Variants in AGBL4 observed in about 807,000 individuals in gnomAD.
AGBL4 encodes AGBL carboxypeptidase 4, also known as cytosolic carboxypeptidase 6.
A neutral mutation model predicts 66.4 loss-of-function variants in AGBL4; 58 were observed. The observed-to-expected ratio is 0.87, with a 90% CI of 0.71 to 1.09. The LOEUF (loss-of-function observed/expected upper bound fraction) is 1.09. AGBL4 is among the 50% of genes least tolerant of loss of function. AGBL4 has a pLI of 0.00. For missense variants in AGBL4, 579 were observed against 631.0 expected, an observed-to-expected ratio of 0.92 and a Z score of 0.88; for synonymous variants, 234 against 222.9, an observed-to-expected ratio of 1.05 and a Z score of -0.44.
intron 3 of AGBL4, among the ~76,000 whole-genome samples, chr1:49,628,269 G>C (rs1645502644): frequency 6.6e-6 from 1 of 151,972 alleles, no homozygotes; most frequent in African/African-American, 2.4e-5. Context: ...CAATAACATA[G>C]AGTCTTCCAA....
At chr1:49,812,678 C>G (rs921881411) in intron 2 of AGBL4, among the ~76,000 whole-genome samples, 1 of 152,100 alleles carries the variant, frequency 6.6e-6, no homozygotes, top group African/African-American at 2.4e-5. Flanking sequence ...TGTGCAAAAC[C>G]CTGTCACAAG....
chr1:49,521,356 A>G (rs1650249882), intron 3 of AGBL4, among the ~76,000 whole-genome samples: 1 of 152,160 alleles, frequency 6.6e-6, no homozygotes, highest in Admixed American at 6.5e-5. Flanking sequence ...CAGGACTTCA[A>G]ACTAAACTAT....
chr1:48,572,642 A>G (rs1644585281), intron 11 of AGBL4, among the ~76,000 whole-genome samples: 1 of 152,114 alleles, frequency 6.6e-6, no homozygotes, highest in South Asian at 2.1e-4. Flanking sequence ...GAGATGACCT[A>G]TCAGGGAAGA....
At chr1:49,558,014 C>T (rs1643944583) in intron 3 of AGBL4, among the ~76,000 whole-genome samples, 1 of 151,858 alleles carries the variant, frequency 6.6e-6, no homozygotes, top group South Asian at 2.1e-4. Context: ...AGGACATTTC[C>T]AGACAGACCC....
At chr1:49,344,029 A>G (rs1423328322) in intron 3 of AGBL4, among the ~76,000 whole-genome samples, 1 of 152,142 alleles carries the variant, frequency 6.6e-6, no homozygotes, top group African/African-American at 2.4e-5. Flanking sequence ...CAATTTACCT[A>G]ATTTAGAGCC....
intron 3 of AGBL4, among the ~76,000 whole-genome samples, chr1:49,534,171 CAAA>C (rs71059553): frequency 1.3e-4 from 9 of 67,046 alleles, no homozygotes; most frequent in South Asian, 7.9e-4. Flanking sequence ...CACCATTTTA[CAAA>C]AAAAAAAAAA....
At chr1:49,560,503 G>C (rs750964070) in intron 3 of AGBL4, among the ~76,000 whole-genome samples, 1 of 152,072 alleles carries the variant, frequency 6.6e-6, no homozygotes, top group Non-Finnish European at 1.5e-5. Context: ...AAATCTAAAA[G>C]TTATTGGCCT....
intron 3 of AGBL4, among the ~76,000 whole-genome samples, chr1:49,307,423 G>A (rs1644866885): frequency 1.3e-5 from 2 of 152,172 alleles, no homozygotes; most frequent in Admixed American, 1.3e-4. Flanking sequence ...TTACCATTCA[G>A]AGGTTGTTTA....
chr1:48,647,642 A>G (rs1177082963), intron 8 of AGBL4: 2 of 449,310 alleles, frequency 4.5e-6, no homozygotes, highest in African/African-American at 2.0e-5. Flanking sequence ...AGGGTTTCAT[A>G]TTGTTGTACG....
intron 3 of AGBL4, among the ~76,000 whole-genome samples, chr1:49,376,660 G>A (rs992949434): frequency 2.0e-5 from 3 of 152,012 alleles, no homozygotes; most frequent in African/African-American, 7.2e-5. Context: ...TATGATATAT[G>A]TCTTCTGTTG....
intron 4 of AGBL4, chr1:49,174,754 A>G (rs2148172107): frequency 6.6e-6 from 1 of 152,228 alleles, no homozygotes; most frequent in Non-Finnish European, 1.5e-5. Flanking sequence ...TTTCTTTATC[A>G]GCAATAAAGA....
At chr1:49,136,999 C>T (rs1003573367) in intron 4 of AGBL4, among the ~76,000 whole-genome samples, 9 of 152,068 alleles carry the variant, frequency 5.9e-5, no homozygotes, top group African/African-American at 1.9e-4. Context: ...CCCATTAGTT[C>T]GTAACATAAG....
chr1:49,766,146 T>C (rs1652715809), intron 2 of AGBL4, among the ~76,000 whole-genome samples: 1 of 152,088 alleles, frequency 6.6e-6, no homozygotes, highest in Non-Finnish European at 1.5e-5. Flanking sequence ...AGACTGACTG[T>C]CCCAAGGTCA....
At position 49,023,812 on chromosome 1, in the gene AGBL4, T is replaced by C. The variant is rs532706931; in HGVS notation, c.594+21772A>G. ...AACATCTAAAACTGTACCCTTCTTA[T>C]GTATGCCTTCTTCCTTTGCCTACCT... On this transcript the variant is annotated intron_variant, in intron 5 of 13. Transcript: ENST00000371839. Among the ~76,000 whole-genome samples, 5 of 152,318 alleles carry C rather than the reference T, an allele frequency of 3.3e-5. No homozygotes were observed. In the East Asian group the frequency reaches 9.7e-4, roughly 29 times the overall value.
At chr1:48,805,619 G>A (rs140724597) in intron 6 of AGBL4, among the ~76,000 whole-genome samples, 1 of 152,118 alleles carries the variant, frequency 6.6e-6, no homozygotes, top group African/African-American at 2.4e-5. Flanking sequence ...AAAGAATAAT[G>A]GCCCAGGATG....
intron 5 of AGBL4, among the ~76,000 whole-genome samples, chr1:48,992,276 T>C (rs1362947846): frequency 6.6e-6 from 1 of 152,132 alleles, no homozygotes; most frequent in Non-Finnish European, 1.5e-5. Context: ...CTTGGTGGTC[T>C]TGGAAAAGAT....
At chr1:49,691,849 T>G (rs1646893715) in intron 3 of AGBL4, among the ~76,000 whole-genome samples, 1 of 152,216 alleles carries the variant, frequency 6.6e-6, no homozygotes, top group Non-Finnish European at 1.5e-5. Flanking sequence ...TCTCCCTTGC[T>G]GGATACTTCA....
intron 2 of AGBL4, among the ~76,000 whole-genome samples, chr1:49,765,306 G>T (rs2147871018): frequency 6.6e-6 from 1 of 152,040 alleles, no homozygotes; most frequent in Non-Finnish European, 1.5e-5. Context: ...AAACCACATG[G>T]CTCAATACAA....
chr1:49,582,742 C>G (rs1341297552), intron 3 of AGBL4, among the ~76,000 whole-genome samples: 1 of 152,164 alleles, frequency 6.6e-6, no homozygotes, highest in Non-Finnish European at 1.5e-5. Flanking sequence ...GGATGGGACT[C>G]AGGGTATGTT....
Sources: allele counts gnomAD v4.1 joint callset (sites outside exome capture counted in the v4.1 genomes callset), GRCh38; gene constraint gnomAD v4.1.1; transcripts MANE v1.5; gene names NCBI Gene and HGNC (gene_info 2026-07-23, HGNC 2026-07-21).